The following CFAP92 variants were observed in gnomAD, a reference collection of about 807,000 sequenced individuals.
The protein encoded by CFAP92 is cilia and flagella associated protein 92 (putative), also known as uncharacterized protein CFAP92.
In CFAP92, 86 loss-of-function variants were observed where a neutral mutation model predicts 106.3. The ratio of observed to expected loss-of-function variants is 0.81; its 90% confidence interval spans 0.68 to 0.97. CFAP92 has a LOEUF of 0.97. CFAP92 is among the 50% of genes least tolerant of loss of function. CFAP92 has a pLI of 0.00. For synonymous variants in CFAP92, 477 were observed against 506.4 expected (o/e 0.94, Z 0.78); for missense variants, 1,204 against 1,283.8 (o/e 0.94, Z 0.95).
intron 2 of CFAP92, among the ~76,000 whole-genome samples, chr3:128,990,543 T>C (rs1944148364): frequency 6.6e-6 from 1 of 152,180 alleles, no homozygotes; most frequent in Non-Finnish European, 1.5e-5. Flanking sequence ...TTCTCAAAGA[T>C]AATCTAAATC....
At chr3:129,018,788 G>A in the CFAP92 span, among the ~76,000 whole-genome samples, 1 of 152,188 alleles carries the variant, frequency 6.6e-6, no homozygotes, top group Non-Finnish European at 1.5e-5. Flanking sequence ...ATGTGTTCTT[G>A]CGAAGTGAGT....
At position 128,993,031 on chromosome 3, in the gene CFAP92, T is replaced by C. The variant is rs1477430057; in HGVS notation, c.262+12A>G. On this transcript the variant is annotated intron_variant, in intron 2 of 15. Coordinates refer to ENST00000645291, the MANE Select transcript of CFAP92 (RefSeq NM_001394090.1). ...TTTTCAGAGGGTGTTAAACTTCTGCTCTAGCACCTACCCATATTCACAGGG... is the reference window on the plus strand; with the variant it reads ...TTTTCAGAGGGTGTTAAACTTCTGCCCTAGCACCTACCCATATTCACAGGG... 6.2e-7 allele frequency: 1 copy of C among 1,613,990 alleles called. No homozygotes were observed. The highest frequency in any genetic ancestry group is 2.2e-5 in the East Asian group (1 of 44,884).
In CFAP92 at chr3:128,910,301, AG is replaced by A; in HGVS notation, c.3312del (p.Ter1105GlufsTer77). ...VRKKKGNSPIS is the reference protein window; with the variant it reads ...VRKKKGNSPIX ...GGCCGTGGGAGGGTCTGTGCTGCTCAGGAGATGGGGCTGTTCCCTTTCTTCT... is the reference window on the plus strand; with the variant it reads ...GGCCGTGGGAGGGTCTGTGCTGCTCAGAGATGGGGCTGTTCCCTTTCTTCT... On this transcript the variant is annotated frameshift_variant, in exon 16 of 16. Coordinates refer to ENST00000645291, the MANE Select transcript of CFAP92 (RefSeq NM_001394090.1). LOFTEE classifies it high-confidence loss of function. 2.0e-6 allele frequency: 3 copies of A among 1,500,214 alleles called. No individual in the cohort carries two copies. The highest frequency in any genetic ancestry group is 2.7e-6 in the Non-Finnish European group (3 of 1,126,062). The allele number at this position is 1,500,214 out of a possible 1,614,324, so 92.9% of individuals were successfully genotyped here.
At chr3:129,011,546 G>A in the CFAP92 span, among the ~76,000 whole-genome samples, 1 of 143,916 alleles carries the variant, frequency 6.9e-6, no homozygotes, top group Non-Finnish European at 1.5e-5. Context: ...GCAAGACTCC[G>A]TCTCAAAAAA....
At chr3:128,962,027 A>G (rs1007394697) in intron 9 of CFAP92, among the ~76,000 whole-genome samples, 6 of 152,178 alleles carry the variant, frequency 3.9e-5, no homozygotes, top group African/African-American at 7.2e-5. Context: ...CCCGCAGCCC[A>G]GGATTCCTCC....
chr3:129,001,807 AG>A, intron 1 of CFAP92: 2 of 1,545,538 alleles, frequency 1.3e-6, no homozygotes, highest in Admixed American at 2.0e-5. Flanking sequence ...CAGTACCTGC[AG>A]GAGGTCTTCC....
chr3:128,927,456 C>A (rs1421812866), intron 12 of CFAP92, among the ~76,000 whole-genome samples: 1 of 152,148 alleles, frequency 6.6e-6, no homozygotes, highest in Non-Finnish European at 1.5e-5. Context: ...CGCGGTGGCT[C>A]ACACCTGTAA....
chr3:128,991,936 T>C (rs1944243704), intron 2 of CFAP92: 4 of 965,320 alleles, frequency 4.1e-6, no homozygotes, highest in Admixed American at 6.1e-5. Context: ...TGTGACTTGG[T>C]TTGGCCAATA....
chr3:129,001,645 C>T (rs1576682476), intron 1 of CFAP92: 4 of 1,386,640 alleles, frequency 2.9e-6, no homozygotes, highest in East Asian at 3.0e-5. Flanking sequence ...CCGGTCAGCA[C>T]GGGCGCGGAG....
At chr3:128,927,085 T>A (rs1435078702) in intron 12 of CFAP92, among the ~76,000 whole-genome samples, 1 of 151,908 alleles carries the variant, frequency 6.6e-6, no homozygotes, top group African/African-American at 2.4e-5. Flanking sequence ...AAAGCAAGAC[T>A]CTGTCTCAAA....
Position 128,993,209 on chromosome 3 carries a change from G to A in CFAP92, c.96C>T (p.Asp32=), listed in dbSNP as rs1944328797. ...CCTTGGCCTTCAGGTGTTCCTCCACGTCACACTCGCTCGTGGACTGGTAAA... is the reference window on the plus strand; with the variant it reads ...CCTTGGCCTTCAGGTGTTCCTCCACATCACACTCGCTCGTGGACTGGTAAA... The part of the protein sequence containing the change: ...TSFYQSTSEC[D]VEEHLKAKAR... Residue 32 remains aspartate, a synonymous_variant, in exon 2 of 16, where the codon GAC becomes GAT. Transcript: ENST00000645291. 6.2e-7 allele frequency: 1 copy of A among 1,614,048 alleles called. No homozygotes were observed. Among genetic ancestry groups the A allele is most frequent in the East Asian group, 2.2e-5 (1 of 44,886 alleles).
chr3:128,979,714 G>A (rs1030450960), intron 4 of CFAP92, among the ~76,000 whole-genome samples: 4 of 150,910 alleles, frequency 2.7e-5, no homozygotes, highest in African/African-American at 7.3e-5. Context: ...ACCAAACACC[G>A]CATGTTCTCA....
intron 1 of CFAP92, chr3:129,001,874 C>T (rs1174745155): frequency 1.3e-6 from 2 of 1,545,502 alleles, no homozygotes; most frequent in Admixed American, 3.9e-5. Context: ...TCCGAGCGCT[C>T]TGCGCTGTGC....
At chr3:129,001,799 G>C in intron 1 of CFAP92, 1 of 1,545,056 alleles carries the variant, frequency 6.5e-7, no homozygotes, top group Non-Finnish European at 8.7e-7. Context: ...GCCTGGACCA[G>C]TACCTGCAGG....
chr3:128,988,644 C>A, intron 3 of CFAP92, 84 bp downstream of exon 3: 9 of 1,371,336 alleles, frequency 6.6e-6, no homozygotes, highest in Non-Finnish European at 9.1e-6. Context: ...GGAGGTGGAG[C>A]TGATGTTGCA....
At chr3:128,984,121 G>A (rs1178851506) in intron 4 of CFAP92, among the ~76,000 whole-genome samples, 2 of 152,198 alleles carry the variant, frequency 1.3e-5, no homozygotes, top group African/African-American at 4.8e-5. Context: ...AATATGACTG[G>A]GGGGCTTTGA....
At chr3:128,971,857 G>A (rs1942822094) in intron 7 of CFAP92, among the ~76,000 whole-genome samples, 1 of 152,128 alleles carries the variant, frequency 6.6e-6, no homozygotes, top group African/African-American at 2.4e-5. Context: ...CCTGTTATAT[G>A]AGGGCAACAG....
chr3:128,961,616 A>G (rs1941926975), intron 9 of CFAP92, among the ~76,000 whole-genome samples: 1 of 152,228 alleles, frequency 6.6e-6, no homozygotes, highest in African/African-American at 2.4e-5. Flanking sequence ...CAAATCAGAT[A>G]GCGTTTAGGC....
rs151238313 is a variant in CFAP92 at position 128,971,387 on chromosome 3, A to G, written c.1068T>C (p.His356=). 1.2e-6 allele frequency: 2 copies of G among 1,613,224 alleles called. No homozygotes were observed. Among genetic ancestry groups the G allele is most frequent in the Non-Finnish European group, 1.7e-6 (2 of 1,179,618 alleles). Residue 356 remains histidine (H), a synonymous_variant, in exon 8 of 16, where the codon CAT becomes CAC. Transcript: ENST00000645291. ...CCTCTTCTTCTGCCAGGGGCTTCTT[A>G]TGTCTCCTCTGGATTTTCCTTCTTC... is the stretch of plus-strand genomic sequence containing the variant. ...SEGRRKIQRR[H]KKPLAEEEAD...
Sources: allele counts gnomAD v4.1 joint callset (sites outside exome capture counted in the v4.1 genomes callset), GRCh38; gene constraint gnomAD v4.1.1; transcripts MANE v1.5; gene names NCBI Gene and HGNC (gene_info 2026-07-23, HGNC 2026-07-21).